The following RASEF variants were observed in gnomAD, a reference collection of about 807,000 sequenced individuals.
RASEF encodes RAS and EF-hand domain containing.
In RASEF, 68 loss-of-function variants were observed where a neutral mutation model predicts 90.1. The ratio of observed to expected loss-of-function variants is 0.75; its 90% CI spans 0.62 to 0.92. RASEF has a LOEUF of 0.92. Among genes scored for constraint, RASEF ranks in the 40% least tolerant of loss-of-function variants. RASEF has a pLI of 0.00. For synonymous variants in RASEF, 331 were observed against 345.2 expected (o/e 0.96, Z 0.46); for missense variants, 949 against 937.2 (o/e 1.01, Z -0.16).
the RASEF span, among the ~76,000 whole-genome samples, chr9:83,183,052 G>T: frequency 6.6e-6 from 1 of 152,076 alleles, no homozygotes; most frequent in Non-Finnish European, 1.5e-5. Flanking sequence ...AAGGAAACTT[G>T]GGACAGTAAC....
At chr9:83,121,605 G>T in the RASEF span, among the ~76,000 whole-genome samples, 3 of 128,798 alleles carry the variant, frequency 2.3e-5, no homozygotes, top group African/African-American at 8.0e-5. Flanking sequence ...ATGACAGACT[G>T]TGTGGCCCCT....
chr9:82,986,773 G>A (rs888119727), intron 16 of RASEF, among the ~76,000 whole-genome samples: 2 of 152,150 alleles, frequency 1.3e-5, no homozygotes, highest in African/African-American at 4.8e-5. Context: ...TCCAATTTCA[G>A]GCAGTTGATA....
chr9:83,198,821 T>C, the RASEF span, among the ~76,000 whole-genome samples: 1 of 53,720 alleles, frequency 1.9e-5, no homozygotes, highest in African/African-American at 5.7e-5. Flanking sequence ...ATTTTGAAAG[T>C]TATAAATAGA....
At chr9:83,023,371 G>A (rs567697560) in intron 2 of RASEF, among the ~76,000 whole-genome samples, 7 of 152,192 alleles carry the variant, frequency 4.6e-5, no homozygotes, top group South Asian at 2.1e-4. Context: ...TGATTCATTC[G>A]GACAAATGAC....
intron 13 of RASEF, among the ~76,000 whole-genome samples, chr9:82,997,815 T>C (rs999806339): frequency 6.6e-6 from 1 of 152,232 alleles, no homozygotes; most frequent in African/African-American, 2.4e-5. Flanking sequence ...TGCTGAATAA[T>C]GCCTGGTACA....
chr9:83,008,192 T>A (rs186166974), intron 6 of RASEF, among the ~76,000 whole-genome samples: 1 of 152,246 alleles, frequency 6.6e-6, no homozygotes, highest in Admixed American at 6.5e-5. Flanking sequence ...CATCACTAGC[T>A]TCCCAAAATG....
intron 1 of RASEF, among the ~76,000 whole-genome samples, chr9:83,028,499 T>C (rs1829585644): frequency 6.6e-6 from 1 of 152,078 alleles, no homozygotes; most frequent in Admixed American, 6.6e-5. Flanking sequence ...TTGATCAACA[T>C]TCCTTGGGCT....
chr9:83,039,589 A>G (rs1829802203), intron 1 of RASEF, among the ~76,000 whole-genome samples: 1 of 152,184 alleles, frequency 6.6e-6, no homozygotes, highest in South Asian at 2.1e-4. Context: ...TATGATTGCC[A>G]AGATAAAAAG....
chr9:83,062,330 GAGA>G (rs1830218790), intron 1 of RASEF, 104 bp downstream of exon 1: 1 of 972,726 alleles, frequency 1.0e-6, no homozygotes, highest in Non-Finnish European at 1.4e-6. Context: ...GCAACTCACA[GAGA>G]AGACTAGGGG....
At chr9:83,057,471 C>A (rs1173364096) in intron 1 of RASEF, among the ~76,000 whole-genome samples, 1 of 152,086 alleles carries the variant, frequency 6.6e-6, no homozygotes, top group African/African-American at 2.4e-5. Flanking sequence ...ACAGAGGACA[C>A]ATTAAAGAGA....
At chr9:83,068,532 A>G in the RASEF span, among the ~76,000 whole-genome samples, 4 of 152,250 alleles carry the variant, frequency 2.6e-5, no homozygotes, top group Non-Finnish European at 2.9e-5. Flanking sequence ...CCTCAGTCCT[A>G]TAGCTGCAAG....
the RASEF span, among the ~76,000 whole-genome samples, chr9:83,094,618 A>G: frequency 1.8e-3 from 278 of 152,338 alleles, 1 homozygote; most frequent in African/African-American, 6.5e-3. Context: ...CCAGGCGTAC[A>G]TAATATCAAA....
chr9:83,144,338 A>AGAAG, the RASEF span, among the ~76,000 whole-genome samples: 5 of 97,104 alleles, frequency 5.1e-5, no homozygotes, highest in Non-Finnish European at 1.0e-4. Flanking sequence ...AAAGAAAGAA[A>AGAAG]GAAAGAAAGA....
chr9:83,189,941 G>A, the RASEF span, among the ~76,000 whole-genome samples: 3 of 152,096 alleles, frequency 2.0e-5, no homozygotes, highest in East Asian at 1.9e-4. Flanking sequence ...CTTCTGCTTT[G>A]CTGTTTCTGC....
intron 1 of RASEF, among the ~76,000 whole-genome samples, chr9:83,031,596 C>T (rs941796972): frequency 6.6e-6 from 1 of 152,152 alleles, no homozygotes; most frequent in African/African-American, 2.4e-5. Flanking sequence ...ACTAGCTCTT[C>T]ACACCAAAAG....
At chr9:83,082,444 T>C in the RASEF span, among the ~76,000 whole-genome samples, 1 of 152,212 alleles carries the variant, frequency 6.6e-6, no homozygotes, top group Non-Finnish European at 1.5e-5. Flanking sequence ...AGTACAAATC[T>C]AACTGGTTTT....
chr9:83,030,652 C>T (rs1400511050), intron 1 of RASEF, among the ~76,000 whole-genome samples: 3 of 152,174 alleles, frequency 2.0e-5, no homozygotes, highest in African/African-American at 4.8e-5. Flanking sequence ...GACTCCACCA[C>T]GGAAACTCAA....
the RASEF span, among the ~76,000 whole-genome samples, chr9:83,138,346 T>C: frequency 6.6e-6 from 1 of 152,258 alleles, no homozygotes; most frequent in African/African-American, 2.4e-5. Flanking sequence ...TTGTCAACAA[T>C]GAAAACAGTT....
At chr9:83,034,525 G>A (rs2067185586) in intron 1 of RASEF, among the ~76,000 whole-genome samples, 1 of 152,200 alleles carries the variant, frequency 6.6e-6, no homozygotes, top group African/African-American at 2.4e-5. Context: ...CCTGGAAGAT[G>A]AGAGAGTTAA....
Sources: allele counts gnomAD v4.1 joint callset (sites outside exome capture counted in the v4.1 genomes callset), GRCh38; gene constraint gnomAD v4.1.1; transcripts MANE v1.5; gene names NCBI Gene and HGNC (gene_info 2026-07-23, HGNC 2026-07-21).